Variants in HNRNPUL2 observed in about 807,000 individuals in gnomAD.
HNRNPUL2 encodes heterogeneous nuclear ribonucleoprotein U like 2, also known as heterogeneous nuclear ribonucleoprotein U-like protein 2.
Under a neutral mutation model 102.2 loss-of-function variants are expected in HNRNPUL2, and 27 were observed. That is an observed-to-expected ratio of 0.26 (90% CI 0.19 to 0.36). The LOEUF is 0.36. HNRNPUL2 is among the 10% of genes least tolerant of loss of function. The pLI is 1.00. For missense variants in HNRNPUL2, 936 were observed against 981.1 expected (o/e 0.95, Z 0.61); for synonymous variants, 458 against 387.2 (o/e 1.18, Z -2.15).
Position 62,721,414 on chromosome 11 carries a change from G to C in HNRNPUL2, c.1492C>G (p.Leu498Val). 1 of 1,589,340 alleles carries C rather than the reference G, an allele frequency of 6.3e-7. No individual in the cohort carries two copies. The highest frequency in any genetic ancestry group is 8.5e-7 in the Non-Finnish European group (1 of 1,172,260). The change falls in exon 9 of 14, where the codon CTC becomes GTC. Residue 498 changes from leucine (L) to valine (V), a missense_variant. This residue lies in a region of HNRNPUL2 where 609 missense variants were observed against 713.0 expected (regional missense o/e 0.85). Coordinates refer to ENST00000301785, the MANE Select transcript of HNRNPUL2 (RefSeq NM_001079559.3). Reference sequence around the variant, plus strand: ...TTGGGGTCCATCTCTGGCTCCTCGAGACCCTTCATCTGATTAGTTTGAGAG... The same window carrying C: ...TTGGGGTCCATCTCTGGCTCCTCGACACCCTTCATCTGATTAGTTTGAGAG... ...TVLNQMRMKG[L>V]EEPEMDPKSR...
At chr11:62,723,206 C>G (rs2083717488) in intron 4 of HNRNPUL2, among the ~76,000 whole-genome samples, 1 of 152,180 alleles carries the variant, frequency 6.6e-6, no homozygotes, top group Non-Finnish European at 1.5e-5. Context: ...AATATTTCTT[C>G]CCCAGCCAGG....
intron 10 of HNRNPUL2, among the ~76,000 whole-genome samples, chr11:62,717,892 G>A (rs1036374356): frequency 3.3e-5 from 5 of 152,180 alleles, no homozygotes; most frequent in East Asian, 1.9e-4. Flanking sequence ...CCACCTGTCC[G>A]TGATAGGCCA....
chr11:62,723,458 T>C, intron 4 of HNRNPUL2, 129 bp downstream of exon 4: 1 of 987,978 alleles, frequency 1.0e-6, no homozygotes, highest in Non-Finnish European at 1.5e-6. Context: ...GCCACTGGAC[T>C]CCAGCCTGGG....
intron 10 of HNRNPUL2, among the ~76,000 whole-genome samples, chr11:62,718,361 T>C (rs2083675714): frequency 6.6e-6 from 1 of 152,094 alleles, no homozygotes; most frequent in Non-Finnish European, 1.5e-5. Flanking sequence ...GTTATACCAA[T>C]GAGATCATTC....
At chr11:62,725,732 T>A (rs996562562) in intron 1 of HNRNPUL2, among the ~76,000 whole-genome samples, 2 of 152,194 alleles carry the variant, frequency 1.3e-5, no homozygotes, top group African/African-American at 2.4e-5. Flanking sequence ...GGACACACAC[T>A]GTTATGGATC....
intron 10 of HNRNPUL2, among the ~76,000 whole-genome samples, chr11:62,717,779 C>T (rs929496487): frequency 2.0e-5 from 3 of 152,162 alleles, no homozygotes; most frequent in Non-Finnish European, 4.4e-5. Flanking sequence ...ACTCTGGCCT[C>T]GCTGACAGAA....
chr11:62,724,819 C>T (rs1297514873), intron 1 of HNRNPUL2, among the ~76,000 whole-genome samples: 1 of 152,198 alleles, frequency 6.6e-6, no homozygotes, highest in Non-Finnish European at 1.5e-5. Context: ...TTAAGGTAGG[C>T]AGTTAGTACA....
At position 62,722,704 on chromosome 11, in the gene HNRNPUL2, T is replaced by A; in HGVS notation, c.992A>T (p.Glu331Val). ...DFSRPQLGED[E>V]FSYGFDGRGL... ...TCGTCCATCGAAACCGTAAGAGAAT[T>A]CATCTTCACCTAGAACAGTCAACAA... The change falls in exon 6 of 14, where the codon GAA (glutamate) becomes GTA (valine). Residue 331 changes from glutamate (E) to valine (V), a missense_variant. Around this residue, in one of 2 missense-constraint regions of HNRNPUL2, gnomAD observed 609 missense variants for 713.0 expected, o/e 0.85. Coordinates refer to ENST00000301785, the MANE Select transcript of HNRNPUL2 (RefSeq NM_001079559.3). The A allele has an allele frequency of 6.2e-7, 1 of 1,613,892 alleles. No individual in the cohort carries two copies. Among genetic ancestry groups the A allele is most frequent in the East Asian group, 2.2e-5 (1 of 44,886 alleles).
intron 12 of HNRNPUL2, 52 bp from the exon 13 acceptor site, chr11:62,715,659 G>A: frequency 7.9e-7 from 1 of 1,267,112 alleles, no homozygotes; most frequent in Non-Finnish European, 1.2e-6. Context: ...TTGGCAGCAT[G>A]ACCCACCGTG....
chr11:62,719,496 T>C (rs1055902313), intron 10 of HNRNPUL2, among the ~76,000 whole-genome samples: 1 of 152,136 alleles, frequency 6.6e-6, no homozygotes, highest in African/African-American at 2.4e-5. Context: ...TCAAAATTAT[T>C]GCTTCTCTCT....
intron 1 of HNRNPUL2, among the ~76,000 whole-genome samples, chr11:62,725,654 G>C (rs1231096726): frequency 6.6e-6 from 1 of 152,170 alleles, no homozygotes; most frequent in Non-Finnish European, 1.5e-5. Context: ...CTCCATAGTG[G>C]CCTAAAAATA....
chr11:62,721,971 GA>G, intron 7 of HNRNPUL2, 29 bp from the exon 8 acceptor site: 1 of 1,611,206 alleles, frequency 6.2e-7, no homozygotes, highest in East Asian at 2.2e-5. Context: ...GAAATATAAT[GA>G]AAAATAAATG....
Position 62,717,143 on chromosome 11 carries a change from T to C in HNRNPUL2, c.1827A>G (p.Thr609=), listed in dbSNP as rs775652576. 10 of 1,614,152 alleles carry C rather than the reference T, an allele frequency of 6.2e-6. No individual in the cohort carries two copies. The highest frequency in any genetic ancestry group is 1.3e-5 in the African/African-American group (1 of 75,038). Residue 609 remains threonine (T), a synonymous_variant, in exon 11 of 14, where the codon ACA becomes ACG. Coordinates refer to ENST00000301785, the MANE Select transcript of HNRNPUL2 (RefSeq NM_001079559.3). ...CTTCCTCCTTCTCCAGCTCCCCATA[T>C]GTCACCTCATCCATATAGTCGCATT... ...PEKCDYMDEV[T]YGELEKEEAQ... is the part of the protein sequence containing the mutation.
chr11:62,725,662 A>G (rs1297684732), intron 1 of HNRNPUL2, among the ~76,000 whole-genome samples: 1 of 152,256 alleles, frequency 6.6e-6, no homozygotes. Flanking sequence ...TGGCCTAAAA[A>G]TATTACTAAC....
In HNRNPUL2 at chr11:62,725,690, C is replaced by T. The variant is rs570175914; in HGVS notation, c.538+929G>A. ...TTACTAACAAAAGAACTGAGGCCAC[C>T]CACTTTATAGTAAGACTTATCCTCC... is the stretch of plus-strand genomic sequence containing the variant. On this transcript the variant is annotated intron_variant, in intron 1 of 13. Transcript: ENST00000301785. Among the ~76,000 whole-genome samples, 3 of 152,206 alleles carry T rather than the reference C, an allele frequency of 2.0e-5. No homozygotes were observed. In the South Asian group the frequency reaches 6.2e-4, roughly 32 times the overall value.
chr11:62,715,444 T>C, intron 13 of HNRNPUL2, 56 bp downstream of exon 13: 1 of 1,576,464 alleles, frequency 6.3e-7, no homozygotes, highest in Non-Finnish European at 8.7e-7. Flanking sequence ...GGCATAACAC[T>C]CATCCTTCTG....
At chr11:62,725,131 A>G (rs2083734916) in intron 1 of HNRNPUL2, among the ~76,000 whole-genome samples, 1 of 152,230 alleles carries the variant, frequency 6.6e-6, no homozygotes, top group African/African-American at 2.4e-5. Flanking sequence ...GTTTTTCCCT[A>G]GGCTTCTGTA....
intron 7 of HNRNPUL2, 43 bp downstream of exon 7, chr11:62,722,074 T>G (rs956625652): frequency 3.7e-5 from 59 of 1,605,348 alleles, no homozygotes; most frequent in Admixed American, 2.7e-4. Flanking sequence ...CACCCACCTC[T>G]GCAAAGCATA....
chr11:62,715,778 A>G, intron 12 of HNRNPUL2, 86 bp downstream of exon 12: 4 of 1,355,576 alleles, frequency 3.0e-6, no homozygotes, highest in Non-Finnish European at 2.1e-6. Flanking sequence ...AAGCCCTAAG[A>G]AAACAGGCAA....
Sources: allele counts gnomAD v4.1 joint callset (sites outside exome capture counted in the v4.1 genomes callset), GRCh38; gene constraint gnomAD v4.1.1; regional missense constraint gnomAD v4.1.1; transcripts MANE v1.5; gene names NCBI Gene and HGNC (gene_info 2026-07-23, HGNC 2026-07-21).